ZEB1: variants seen among roughly 807,000 people sequenced by gnomAD.
ZEB1 encodes the protein zinc finger E-box-binding homeobox 1.
ZEB1 carries 21 observed loss-of-function variants against 84.9 expected under a neutral mutation model. The observed-to-expected ratio is 0.25, with a 90% CI of 0.18 to 0.36. The LOEUF (loss-of-function observed/expected upper bound fraction) is 0.36. Among genes scored for constraint, ZEB1 ranks in the 10% least tolerant of loss-of-function variants. The pLI is 1.00. For synonymous variants in ZEB1, 420 were observed against 471.1 expected (o/e 0.89, Z 1.41); for missense variants, 1,104 against 1,330.2 (o/e 0.83, Z 2.65).
chr10:31,488,824 G>A (rs2066100663), intron 2 of ZEB1, among the ~76,000 whole-genome samples: 1 of 151,070 alleles, frequency 6.6e-6, no homozygotes, highest in Non-Finnish European at 1.5e-5. Context: ...TGGTCATTAT[G>A]ATCATAGAAC....
chr10:31,525,806 T>C (rs1378825464), intron 8 of ZEB1, among the ~76,000 whole-genome samples: 1 of 152,216 alleles, frequency 6.6e-6, no homozygotes, highest in Non-Finnish European at 1.5e-5. Flanking sequence ...ATCAGCCCCT[T>C]GTAACTCAGT....
intron 1 of ZEB1, among the ~76,000 whole-genome samples, chr10:31,343,964 A>G (rs1456784494): frequency 6.6e-6 from 1 of 152,004 alleles, no homozygotes; most frequent in African/African-American, 2.4e-5. Flanking sequence ...TTCTTTTTCT[A>G]TTATAGAGGT....
At chr10:31,362,611 C>A (rs1370676732) in intron 1 of ZEB1, among the ~76,000 whole-genome samples, 1 of 151,886 alleles carries the variant, frequency 6.6e-6, no homozygotes, top group Non-Finnish European at 1.5e-5. Flanking sequence ...AGGGCGGGGG[C>A]CGGGCAGAGG....
chr10:31,504,669 CCTT>C (rs1184163165), intron 4 of ZEB1, among the ~76,000 whole-genome samples: 2 of 151,916 alleles, frequency 1.3e-5, no homozygotes, highest in African/African-American at 4.8e-5. Flanking sequence ...AGGTCTTTCA[CCTT>C]CTTGGGTAAA....
chr10:31,418,665 G>A (rs1286032191), intron 1 of ZEB1, among the ~76,000 whole-genome samples: 1 of 152,072 alleles, frequency 6.6e-6, no homozygotes, highest in Non-Finnish European at 1.5e-5. Flanking sequence ...ACTGAGGTTA[G>A]GAATTGTGTT....
chr10:31,460,023 C>G (rs945947280), intron 1 of ZEB1, among the ~76,000 whole-genome samples: 2 of 151,884 alleles, frequency 1.3e-5, no homozygotes, highest in Non-Finnish European at 2.9e-5. Context: ...TTCTTTTTCT[C>G]CCTTCTTCCG....
chr10:31,444,769 C>A (rs892515908), intron 1 of ZEB1, among the ~76,000 whole-genome samples: 104 of 151,842 alleles, frequency 6.8e-4, no homozygotes, highest in African/African-American at 2.4e-3. Flanking sequence ...TTCCATTGAT[C>A]TATATCTCTG....
At chr10:31,502,610 A>G (rs1247015760) in intron 4 of ZEB1, 101 bp downstream of exon 4, 16 of 1,468,826 alleles carry the variant, frequency 1.1e-5, no homozygotes, top group Non-Finnish European at 1.5e-5. Flanking sequence ...AACATTCTTG[A>G]AGACCAAACT....
At chr10:31,319,185 G>A, upstream of ZEB1, 3 of 1,330,752 alleles carry the variant, frequency 2.3e-6, no homozygotes, top group South Asian at 2.5e-5. Flanking sequence ...GGGGAAGGGG[G>A]AGGGAGGGGG....
intron 4 of ZEB1, among the ~76,000 whole-genome samples, chr10:31,505,489 T>A (rs1004921256): frequency 6.6e-6 from 1 of 152,030 alleles, no homozygotes; most frequent in Non-Finnish European, 1.5e-5. Context: ...TCTATTTCTT[T>A]CTAATTTAAT....
chr10:31,443,518 C>A (rs1208036136), intron 1 of ZEB1, among the ~76,000 whole-genome samples: 1 of 149,404 alleles, frequency 6.7e-6, no homozygotes, highest in East Asian at 2.0e-4. Flanking sequence ...CCCACTAACT[C>A]GTCATCTAGC....
At chr10:31,436,475 G>C (rs375749653) in intron 1 of ZEB1, among the ~76,000 whole-genome samples, 1 of 152,028 alleles carries the variant, frequency 6.6e-6, no homozygotes, top group Non-Finnish European at 1.5e-5. Context: ...ACAGTAACCT[G>C]TTCAGAGCAT....
chr10:31,378,278 G>A (rs1367356788), intron 1 of ZEB1, among the ~76,000 whole-genome samples: 1 of 151,304 alleles, frequency 6.6e-6, no homozygotes, highest in Non-Finnish European at 1.5e-5. Context: ...TTAGCATCAA[G>A]TGAACATTGA....
At chr10:31,428,005 T>C (rs1488169191) in intron 1 of ZEB1, among the ~76,000 whole-genome samples, 1 of 152,226 alleles carries the variant, frequency 6.6e-6, no homozygotes, top group Non-Finnish European at 1.5e-5. Context: ...TTAATTTTTT[T>C]CAAAAAAACT....
intron 1 of ZEB1, among the ~76,000 whole-genome samples, chr10:31,434,207 T>A (rs2058044904): frequency 6.6e-6 from 1 of 152,210 alleles, no homozygotes; most frequent in Non-Finnish European, 1.5e-5. Context: ...AGAATAATGA[T>A]CATGCCAATA....
Position 31,523,834 on chromosome 10 carries a change from AG to A in ZEB1, c.2605-98del, listed in dbSNP as rs2139876208. The A allele has an allele frequency of 5.8e-6, 8 of 1,371,912 alleles. No homozygotes were observed. In the South Asian group the frequency reaches 7.4e-5, roughly 13 times the overall value. 85.0% of individuals were successfully genotyped at this position (1,371,912 alleles called of 1,614,324 possible). On this transcript the variant is annotated intron_variant, in intron 7 of 8. Transcript: ENST00000424869. ...TTGGTCAAGTCCTTGAAAGTATAAA[AG>A]TATAAGTTAAAGTAGTTCTTTATCT...
rs753051343 is a variant in ZEB1, at chr10:31,329,014, C to T, written c.58+9722C>T. ...ACCCTGGTGTGTGTGTGTGTGTGTG[C>T]GTGTGAACTTAATTGAGGTATAATT... On this transcript the variant is annotated intron_variant, in intron 1 of 8. Transcript: ENST00000424869. Among the ~76,000 whole-genome samples, 71 of 150,552 alleles carry T rather than the reference C, an allele frequency of 4.7e-4. 1 individual carries two copies. The highest frequency in any genetic ancestry group is 6.9e-3 in the Middle Eastern group (2 of 290).
intron 1 of ZEB1, among the ~76,000 whole-genome samples, chr10:31,347,040 G>T (rs778876783): frequency 6.6e-6 from 1 of 152,124 alleles, no homozygotes; most frequent in Non-Finnish European, 1.5e-5. Context: ...TCCAAAGTAA[G>T]ATAAAGCTCA....
intron 4 of ZEB1, among the ~76,000 whole-genome samples, chr10:31,508,065 G>A (rs1041189601): frequency 1.3e-5 from 2 of 152,168 alleles, no homozygotes; most frequent in African/African-American, 4.8e-5. Flanking sequence ...AATAGTGTGA[G>A]TAGGGTCCGT....
Sources: gnomAD v4.1 joint callset for allele counts (sites outside exome capture counted in the v4.1 genomes callset) on GRCh38, gnomAD v4.1.1 for gene constraint, MANE v1.5 for transcripts, NCBI Gene and HGNC (gene_info 2026-07-23, HGNC 2026-07-21) for gene names.